KAZN: variants seen among roughly 807,000 people sequenced by gnomAD.
KAZN encodes the protein kazrin, periplakin interacting protein.
In KAZN, 40 loss-of-function variants were observed where a neutral mutation model predicts 87.4. The observed-to-expected ratio is 0.46, with a 90% confidence interval of 0.36 to 0.60. The LOEUF (loss-of-function observed/expected upper bound fraction) is 0.60. Ranked by LOEUF, KAZN falls within the 20% of genes least tolerant of loss-of-function variation. KAZN has a pLI of 0.00. For missense variants in KAZN, 898 were observed against 1,073.9 expected, an observed-to-expected ratio of 0.84 and a Z score of 2.29; for synonymous variants, 466 against 458.3, an observed-to-expected ratio of 1.02 and a Z score of -0.22.
Position 14,414,646 on chromosome 1 carries a change from T to C in KAZN, c.250-184337T>C, listed in dbSNP as rs150280561. On this transcript the variant is annotated intron_variant, in intron 2 of 16. Coordinates refer to the KAZN transcript ENST00000636203. ...TGTGTGTGTATGTGTGTGTGTGTTATACGTATGTAGCAAAAATAGAAAACC... is the reference window on the plus strand; with the variant it reads ...TGTGTGTGTATGTGTGTGTGTGTTACACGTATGTAGCAAAAATAGAAAACC... Among the ~76,000 whole-genome samples, 767 of 152,252 alleles carry C rather than the reference T, an allele frequency of 5.0e-3. 2 individuals are homozygous for C. Among genetic ancestry groups the C allele is most frequent in the Non-Finnish European group, 7.3e-3 (497 of 68,004 alleles).
chr1:14,665,159 T>A (rs1639444954), intron 1 of KAZN, among the ~76,000 whole-genome samples: 1 of 152,220 alleles, frequency 6.6e-6, no homozygotes, highest in Non-Finnish European at 1.5e-5. Context: ...CAACCTCATC[T>A]TGTGTCACAC....
intron 2 of KAZN, among the ~76,000 whole-genome samples, chr1:14,202,464 G>A (rs1646659060): frequency 6.6e-6 from 1 of 152,212 alleles, no homozygotes; most frequent in African/African-American, 2.4e-5. Flanking sequence ...CTGTATTGGA[G>A]GAGGGCTCTG....
At chr1:14,550,832 C>A (rs1282403744) in intron 2 of KAZN, among the ~76,000 whole-genome samples, 1 of 146,824 alleles carries the variant, frequency 6.8e-6, no homozygotes, top group Non-Finnish European at 1.5e-5. Context: ...GTCAGGCCAA[C>A]CCCCAAACCA....
intron 1 of KAZN, among the ~76,000 whole-genome samples, chr1:13,985,417 G>T (rs1381957295): frequency 1.3e-5 from 2 of 151,248 alleles, no homozygotes; most frequent in African/African-American, 4.9e-5. Flanking sequence ...GGACATGGAT[G>T]AAATTGGAAA....
intron 1 of KAZN, among the ~76,000 whole-genome samples, chr1:13,897,202 G>A (rs1639077682): frequency 1.3e-5 from 2 of 152,198 alleles, no homozygotes; most frequent in Admixed American, 1.3e-4. Flanking sequence ...CAGTGGCAGA[G>A]TCAAGTAGTC....
chr1:14,076,684 A>T (rs1245952277), intron 1 of KAZN, among the ~76,000 whole-genome samples: 1 of 152,192 alleles, frequency 6.6e-6, no homozygotes, highest in Non-Finnish European at 1.5e-5. Context: ...TGTGCATATT[A>T]CCTATGGCTG....
At chr1:14,580,288 C>T (rs1291937533) in intron 2 of KAZN, among the ~76,000 whole-genome samples, 1 of 152,062 alleles carries the variant, frequency 6.6e-6, no homozygotes, top group East Asian at 1.9e-4. Context: ...CCAGCCTGAC[C>T]AACACGGGGA....
intron 1 of KAZN, among the ~76,000 whole-genome samples, chr1:14,767,894 A>G (rs1298730545): frequency 6.6e-6 from 1 of 152,178 alleles, no homozygotes; most frequent in African/African-American, 2.4e-5. Flanking sequence ...AGAGGGGAAA[A>G]TAAGTGTCAT....
intron 8 of KAZN, chr1:15,067,472 G>A (rs1639298576): frequency 1.0e-6 from 1 of 985,444 alleles, no homozygotes; most frequent in Non-Finnish European, 1.2e-6. Flanking sequence ...TCTGCCCAAG[G>A]CCTAAAACTC....
intron 1 of KAZN, among the ~76,000 whole-genome samples, chr1:14,074,419 C>A (rs994041165): frequency 2.6e-5 from 4 of 152,198 alleles, no homozygotes; most frequent in Non-Finnish European, 5.9e-5. Flanking sequence ...CACCCCTTGA[C>A]CATCTCCAGC....
chr1:14,054,172 A>G (rs1402154894), intron 1 of KAZN, among the ~76,000 whole-genome samples: 1 of 152,162 alleles, frequency 6.6e-6, no homozygotes, highest in Non-Finnish European at 1.5e-5. Flanking sequence ...TAAAAAAAAA[A>G]TCTCACATGT....
At chr1:14,724,478 G>A (rs1020131534) in intron 1 of KAZN, among the ~76,000 whole-genome samples, 1 of 152,150 alleles carries the variant, frequency 6.6e-6, no homozygotes, top group Non-Finnish European at 1.5e-5. Flanking sequence ...ACCAACCTAA[G>A]TAGATTACTC....
intron 2 of KAZN, among the ~76,000 whole-genome samples, chr1:14,350,088 C>T (rs907309613): frequency 2.5e-4 from 37 of 147,992 alleles, no homozygotes; most frequent in African/African-American, 8.3e-4. Context: ...GAGCTGAGAT[C>T]GCGCCACTGC....
In KAZN at chr1:14,625,115, G is replaced by A. The variant is rs562781379; in HGVS notation, c.226+25892G>A. Among the ~76,000 whole-genome samples the A allele has an allele frequency of 2.6e-4, 40 of 152,208 alleles. 1 individual carries two copies. Among genetic ancestry groups the A allele is most frequent in the South Asian group, 2.1e-3 (10 of 4,826 alleles). On this transcript the variant is annotated intron_variant, in intron 1 of 14. Transcript: ENST00000376030. ...CCTGGAGGGTCCCCCCCGACACCGCGTAGTCATCATGGAAGACATTAGCAG... is the reference window on the plus strand; with the variant it reads ...CCTGGAGGGTCCCCCCCGACACCGCATAGTCATCATGGAAGACATTAGCAG...
chr1:14,266,600 A>G (rs1651490524), intron 2 of KAZN, among the ~76,000 whole-genome samples: 1 of 152,190 alleles, frequency 6.6e-6, no homozygotes, highest in Non-Finnish European at 1.5e-5. Flanking sequence ...ACAAGATAAT[A>G]ATTTACCCAT....
chr1:13,902,405 G>T (rs530610498), intron 1 of KAZN, among the ~76,000 whole-genome samples: 5 of 152,314 alleles, frequency 3.3e-5, no homozygotes, highest in African/African-American at 1.2e-4. Context: ...TCTTGGACAT[G>T]TGTAGTCAGC....
intron 2 of KAZN, among the ~76,000 whole-genome samples, chr1:14,368,430 G>A (rs138753237): frequency 6.6e-6 from 1 of 152,274 alleles, no homozygotes; most frequent in East Asian, 1.9e-4. Context: ...CCATCCATTA[G>A]GCACTCCCAT....
At chr1:14,792,740 G>A (rs2100696935) in intron 1 of KAZN, among the ~76,000 whole-genome samples, 1 of 152,326 alleles carries the variant, frequency 6.6e-6, no homozygotes, top group East Asian at 1.9e-4. Flanking sequence ...CACTTTGGGA[G>A]GCCGAGGTAG....
intron 2 of KAZN, among the ~76,000 whole-genome samples, chr1:14,271,181 G>A (rs1407438127): frequency 6.6e-6 from 1 of 152,158 alleles, no homozygotes; most frequent in Non-Finnish European, 1.5e-5. Context: ...TTCCTCTTAT[G>A]AGGACACCAG....
Sources: gnomAD v4.1 joint callset for allele counts (sites outside exome capture counted in the v4.1 genomes callset) on GRCh38, gnomAD v4.1.1 for gene constraint, MANE v1.5 for transcripts, NCBI Gene and HGNC (gene_info 2026-07-23, HGNC 2026-07-21) for gene names.